Variants in HYDIN observed in about 807,000 individuals in gnomAD.
The protein encoded by HYDIN is HYDIN axonemal central pair apparatus protein.
Under a neutral mutation model 403.9 loss-of-function variants are expected in HYDIN, and 132 were observed. The observed-to-expected ratio is 0.33, with a 90% confidence interval of 0.28 to 0.38. HYDIN has a LOEUF of 0.38. HYDIN is among the 10% of genes least tolerant of loss of function. The probability of loss-of-function intolerance (pLI) is 1.00; values close to 1 mark genes in which losing one functional copy is unlikely to be tolerated. For missense variants in HYDIN, 2,827 were observed against 5,009.5 expected, an observed-to-expected ratio of 0.56 and a Z score of 13.15; for synonymous variants, 1,202 against 1,891.7, an observed-to-expected ratio of 0.64 and a Z score of 9.46.
intron 75 of HYDIN, among the ~76,000 whole-genome samples, chr16:70,845,958 G>C (rs899767779): frequency 6.6e-6 from 1 of 151,090 alleles, no homozygotes; most frequent in Admixed American, 6.6e-5. Flanking sequence ...CTTGCTAGCG[G>C]TCTATCAGTT....
chr16:70,839,976 T>C (rs2037705263), intron 76 of HYDIN, 88 bp downstream of exon 76: 2 of 888,648 alleles, frequency 2.3e-6, no homozygotes, highest in Admixed American at 2.8e-5. Flanking sequence ...TTTTTTTTTT[T>C]TTGTCTTGGC....
In HYDIN at chr16:71,069,401, A is replaced by C; in HGVS notation, c.1840T>G (p.Ser614Ala). ...PGDGLGHKSI[S>A]YCEQHVDYKR... ...TAGTCCACATGCTGCTCACAATATG[A>C]AATGCTTTTATGGCCAAGGCCATCC... The change falls in exon 14 of 86, where the codon TCA becomes GCA. Residue 614 changes from serine to alanine, a missense_variant. Coordinates refer to ENST00000393567, the MANE Select transcript of HYDIN (RefSeq NM_001270974.2). The C allele has an allele frequency of 1.9e-6, 3 of 1,614,204 alleles. No homozygotes were observed. The highest frequency in any genetic ancestry group is 1.7e-6 in the Non-Finnish European group (2 of 1,180,024).
intron 55 of HYDIN, chr16:70,893,788 G>A: frequency 6.6e-6 from 1 of 151,970 alleles, no homozygotes. Context: ...ACCTCCTACA[G>A]TGCTGGGATT....
At chr16:70,998,053 C>T (rs973423478) in intron 23 of HYDIN, among the ~76,000 whole-genome samples, 6 of 152,134 alleles carry the variant, frequency 3.9e-5, no homozygotes, top group Non-Finnish European at 7.3e-5. Flanking sequence ...GTGATGCAAA[C>T]GGCAACTTGA....
intron 58 of HYDIN, among the ~76,000 whole-genome samples, chr16:70,885,653 G>A: frequency 6.6e-6 from 1 of 151,716 alleles, no homozygotes; most frequent in East Asian, 1.9e-4. Context: ...CCAATGTAGA[G>A]GAGAGGATAA....
intron 7 of HYDIN, among the ~76,000 whole-genome samples, chr16:71,137,798 T>C (rs1180244968): frequency 1.3e-5 from 2 of 152,104 alleles, no homozygotes; most frequent in Admixed American, 6.6e-5. Context: ...TTAAGTCCAT[T>C]TGAGAACAGT....
rs1403916809 is a variant in HYDIN, at chr16:71,032,009, T to C, written c.2530-92A>G. 5.9e-5 allele frequency: 39 copies of C among 664,942 alleles called. No homozygotes were observed. In the East Asian group the frequency reaches 8.7e-4, roughly 15 times the overall value. 41.2% of individuals were successfully genotyped at this position (664,942 alleles called of 1,614,324 possible). On this transcript the variant is annotated intron_variant, in intron 18 of 85. Transcript: ENST00000393567. ...CCCTCTACACTTCAAATGGGTGGCA[T>C]TGTGGAATTCAACATCAGAGACAAA... is the stretch of plus-strand genomic sequence containing the variant.
chr16:70,843,115 A>C (rs2037946794), intron 75 of HYDIN, among the ~76,000 whole-genome samples: 1 of 149,822 alleles, frequency 6.7e-6, no homozygotes, highest in Non-Finnish European at 1.5e-5. Context: ...ATATGTATAC[A>C]TGTGCCATGC....
chr16:71,022,158 G>C (rs977026226), intron 21 of HYDIN, among the ~76,000 whole-genome samples: 3 of 151,974 alleles, frequency 2.0e-5, no homozygotes, highest in African/African-American at 7.3e-5. Flanking sequence ...GACCTTCCCT[G>C]AAGGCTGCTG....
intron 39 of HYDIN, among the ~76,000 whole-genome samples, chr16:70,957,475 T>G (rs1195765140): frequency 1.3e-5 from 2 of 151,952 alleles, no homozygotes; most frequent in African/African-American, 4.8e-5. Flanking sequence ...TACAGGCGCC[T>G]GCTACCACGC....
At chr16:70,870,217 T>C (rs527711792) in intron 65 of HYDIN, among the ~76,000 whole-genome samples, 1 of 148,736 alleles carries the variant, frequency 6.7e-6, no homozygotes, top group African/African-American at 2.4e-5. Context: ...CAGAAAACTT[T>C]CAGCCTGATG....
intron 45 of HYDIN, among the ~76,000 whole-genome samples, chr16:70,932,655 G>C (rs1385508740): frequency 2.0e-5 from 3 of 152,168 alleles, no homozygotes; most frequent in African/African-American, 4.8e-5. Context: ...ATTTTAAATA[G>C]AGTGGCCAGG....
At chr16:70,820,857 C>T (rs1215177914) in intron 83 of HYDIN, among the ~76,000 whole-genome samples, 1 of 152,054 alleles carries the variant, frequency 6.6e-6, no homozygotes, top group Non-Finnish European at 1.5e-5. Context: ...CCACGTTGGC[C>T]AGGCGGGTCT....
intron 18 of HYDIN, among the ~76,000 whole-genome samples, chr16:71,042,353 T>G (rs1321743732): frequency 1.3e-5 from 2 of 151,982 alleles, no homozygotes; most frequent in East Asian, 3.9e-4. Context: ...TGCCTCTATA[T>G]TGCTAAGTAC....
At chr16:71,055,245 C>T (rs2081841933) in intron 18 of HYDIN, among the ~76,000 whole-genome samples, 1 of 152,290 alleles carries the variant, frequency 6.6e-6, no homozygotes. Flanking sequence ...AGGCCTGCCA[C>T]TTACAAGTTG....
rs767737994 is a variant in HYDIN, at chr16:70,809,890, C to T, written c.14776G>A (p.Ala4926Thr). ...AAGTGAACAGGCTTTTCCGGAAGTG[C>T]TGGCGTGGCTTTCAGATAGAGCTCA... ...QYELYLKATP[A>T]LPEKPVHFQT... The change falls in exon 85 of 86, where the codon GCA (alanine) becomes ACA (threonine). Residue 4926 changes from alanine (A) to threonine (T), a missense_variant. Physicochemically the swap from Ala to Thr is moderately conservative, Grantham distance 58 (BLOSUM62 0). Transcript: ENST00000393567. 5.6e-6 allele frequency: 9 copies of T among 1,614,072 alleles called. No homozygotes were observed. The highest frequency in any genetic ancestry group is 5.9e-6 in the Non-Finnish European group (7 of 1,180,030).
At chr16:70,888,345 TG>T in intron 58 of HYDIN, among the ~76,000 whole-genome samples, 1 of 152,308 alleles carries the variant, frequency 6.6e-6, no homozygotes, top group Non-Finnish European at 1.5e-5. Flanking sequence ...CTGTTTGGGC[TG>T]GCTTTCTTTT....
At chr16:70,879,198 A>T in intron 62 of HYDIN, 99 bp downstream of exon 62, 1 of 764,334 alleles carries the variant, frequency 1.3e-6, no homozygotes. Context: ...ATCAACAGAG[A>T]AGTCCTCATA....
intron 13 of HYDIN, among the ~76,000 whole-genome samples, chr16:71,078,930 A>C (rs1195900784): frequency 6.6e-6 from 1 of 152,246 alleles, no homozygotes; most frequent in Non-Finnish European, 1.5e-5. Context: ...TGTGGCCAAC[A>C]AGAATGAGGC....
Sources: gnomAD v4.1 joint callset for allele counts (sites outside exome capture counted in the v4.1 genomes callset) on GRCh38, gnomAD v4.1.1 for gene constraint, MANE v1.5 for transcripts, NCBI Gene and HGNC (gene_info 2026-07-23, HGNC 2026-07-21) for gene names.